PRMT8: variants seen among roughly 807,000 people sequenced by gnomAD.
The protein encoded by PRMT8 is protein arginine methyltransferase 8, also known as protein arginine N-methyltransferase 8.
In PRMT8, 7 loss-of-function variants were observed where a neutral mutation model predicts 47.1. The ratio of observed to expected loss-of-function variants is 0.15; its 90% CI spans 0.08 to 0.28. PRMT8 has a LOEUF of 0.28. Ranked by LOEUF, PRMT8 falls within the 10% of genes least tolerant of loss-of-function variation. PRMT8 has a pLI of 1.00. For synonymous variants in PRMT8, 188 were observed against 186.5 expected (o/e 1.01, Z -0.07); for missense variants, 237 against 505.4 (o/e 0.47, Z 5.09).
intron 1 of PRMT8, among the ~76,000 whole-genome samples, chr12:3,447,858 T>C (rs1047755634): frequency 6.6e-6 from 1 of 152,220 alleles, no homozygotes; most frequent in African/African-American, 2.4e-5. Context: ...AGGAGAAAAC[T>C]ACATGTACTT....
At chr12:3,495,743 G>A (rs112399924) in intron 1 of PRMT8, among the ~76,000 whole-genome samples, 4,945 of 152,210 alleles carry the variant, frequency 0.032, 103 homozygotes, top group Non-Finnish European at 0.052. Context: ...GTATGTGATT[G>A]TGAACAAACT....
chr12:3,483,679 C>T (rs542651495), intron 1 of PRMT8, among the ~76,000 whole-genome samples: 110 of 152,274 alleles, frequency 7.2e-4, no homozygotes, highest in African/African-American at 2.6e-3. Context: ...GTCTGAGCAG[C>T]CCGTTAATTT....
chr12:3,545,186 C>T (rs1013248930), intron 2 of PRMT8, among the ~76,000 whole-genome samples: 16 of 152,222 alleles, frequency 1.1e-4, no homozygotes, highest in Non-Finnish European at 1.5e-4. Flanking sequence ...AACTGAGGCA[C>T]AGACAGCTGA....
upstream of PRMT8, among the ~76,000 whole-genome samples, chr12:3,490,675 A>AAGAGAGAC (rs1416341779): frequency 8.3e-6 from 1 of 121,158 alleles, no homozygotes; most frequent in East Asian, 2.5e-4. Context: ...TTTGGGTACA[A>AAGAGAGAC]AGAGAGAGAG....
intron 1 of PRMT8, among the ~76,000 whole-genome samples, chr12:3,531,128 C>T (rs77772995): frequency 0.026 from 3,921 of 152,210 alleles, 59 homozygotes; most frequent in East Asian, 0.077. Flanking sequence ...GATGATTTGA[C>T]CCAAATCTGG....
chr12:3,592,547 T>G (rs1394746453), intron 9 of PRMT8, among the ~76,000 whole-genome samples, 195 bp downstream of exon 9: 1 of 151,850 alleles, frequency 6.6e-6, no homozygotes, highest in Non-Finnish European at 1.5e-5. Flanking sequence ...ACTCCGCAAA[T>G]AGAGGTTTTC....
In PRMT8 at chr12:3,436,763, C is replaced by T. The variant is rs1007156590; in HGVS notation, c.48+55321C>T. Among the ~76,000 whole-genome samples the T allele has an allele frequency of 9.9e-5, 15 of 152,170 alleles. No homozygotes were observed. The highest frequency in any genetic ancestry group is 3.9e-4 in the East Asian group (2 of 5,186). Reference sequence around the variant, plus strand: ...CAGCGGATCGATTGCAGCATCTCCCCGACAGCATGGAGGCCTGGGTGATGG... The same window carrying T: ...CAGCGGATCGATTGCAGCATCTCCCTGACAGCATGGAGGCCTGGGTGATGG... On this transcript the variant is annotated intron_variant, in intron 1 of 9. Transcript: ENST00000452611. The surrounding 1 kb of genome is among the most constrained non-coding windows in gnomAD (Gnocchi z 4.2).
intron 2 of PRMT8, among the ~76,000 whole-genome samples, chr12:3,546,828 A>C (rs1274201210): frequency 2.0e-5 from 3 of 152,216 alleles, no homozygotes; most frequent in African/African-American, 7.2e-5. Context: ...AGCCCAGTAT[A>C]ACTTTGATTA....
At position 3,386,704 on chromosome 12, in the gene PRMT8, C is replaced by CT. The variant is rs1041304124; in HGVS notation, c.48+5272dup. 8.0e-5 allele frequency among the ~76,000 whole-genome samples: 12 copies of CT among 149,664 alleles called. No homozygotes were observed. The South Asian group carries it at 8.5e-4, about 11-fold the overall frequency. Reference sequence around the variant, plus strand: ...AGGTGTTCATATGCTTGTCTACCTTCTTTTTTTTTTCTTTCTTTCTTTTTT... The same window carrying CT: ...AGGTGTTCATATGCTTGTCTACCTTCTTTTTTTTTTTCTTTCTTTCTTTTTT... On this transcript the variant is annotated intron_variant, in intron 1 of 9. Coordinates refer to the PRMT8 transcript ENST00000452611.
intron 1 of PRMT8, among the ~76,000 whole-genome samples, chr12:3,385,477 T>C (rs980578430): frequency 6.6e-6 from 1 of 152,212 alleles, no homozygotes; most frequent in Non-Finnish European, 1.5e-5. Context: ...GATGAATGCA[T>C]TTACTCCAGT....
intron 4 of PRMT8, among the ~76,000 whole-genome samples, chr12:3,556,151 CT>C (rs1445389433): frequency 6.6e-6 from 1 of 152,086 alleles, no homozygotes; most frequent in Admixed American, 6.5e-5. Context: ...CTGAGTCAGA[CT>C]TGGATACGTG....
chr12:3,483,155 GT>G (rs1865290358), intron 1 of PRMT8, among the ~76,000 whole-genome samples: 1 of 152,200 alleles, frequency 6.6e-6, no homozygotes, highest in Non-Finnish European at 1.5e-5. Flanking sequence ...ATTGGTGGGT[GT>G]GCTCCACGGG....
intron 1 of PRMT8, among the ~76,000 whole-genome samples, chr12:3,468,636 G>A (rs528297719): frequency 1.3e-5 from 2 of 152,340 alleles, no homozygotes; most frequent in South Asian, 2.1e-4. Context: ...GAATAGTTAT[G>A]AAAGTTGATT....
Position 3,557,933 on chromosome 12 carries a change from C to T in PRMT8, c.481+4219C>T, listed in dbSNP as rs1866555471. On this transcript the variant is annotated intron_variant, in intron 4 of 9. Coordinates refer to ENST00000382622, the MANE Select transcript of PRMT8 (RefSeq NM_019854.5). The surrounding 1 kb of genome is among the most constrained non-coding windows in gnomAD (Gnocchi z 4.7). ...CCTAGACCATTCCCCTCCCTCTGCA[C>T]AGGTTTCACCTGTGCCGTAATTCCT... 6.6e-6 allele frequency among the ~76,000 whole-genome samples: 1 copy of T among 152,136 alleles called. No individual in the cohort carries two copies. Among genetic ancestry groups the T allele is most frequent in the African/African-American group, 2.4e-5 (1 of 41,422 alleles).
chr12:3,519,274 G>C (rs1865843823), intron 1 of PRMT8, among the ~76,000 whole-genome samples: 1 of 152,168 alleles, frequency 6.6e-6, no homozygotes, highest in Non-Finnish European at 1.5e-5. Flanking sequence ...ATAGAGACTG[G>C]AAATAACAGA....
intron 4 of PRMT8, among the ~76,000 whole-genome samples, chr12:3,563,928 G>GC (rs67295103): frequency 0.27 from 40,664 of 151,238 alleles, 5,700 homozygotes; most frequent in East Asian, 0.44. Flanking sequence ...TTAACCCAAT[G>GC]CCCCCCACCT....
At position 3,535,011 on chromosome 12, in the gene PRMT8, G is replaced by C. The variant is rs1489788517; in HGVS notation, c.76-5595G>C. ...ATAAAGTGCTTGGCGCAGCGCCTGG[G>C]GCGCAGTGGGCCCTTAGTCAATGTT... On this transcript the variant is annotated intron_variant, in intron 1 of 9. Transcript: ENST00000382622. This position sits in a 1 kb window ranked among gnomAD's most constrained non-coding sequence, Gnocchi z 4.7. Among the ~76,000 whole-genome samples, 1 of 152,240 alleles carries C rather than the reference G, an allele frequency of 6.6e-6. No homozygotes were observed. The highest frequency in any genetic ancestry group is 1.5e-5 in the Non-Finnish European group (1 of 68,040).
intron 1 of PRMT8, among the ~76,000 whole-genome samples, chr12:3,440,851 A>C (rs1230826467): frequency 6.6e-6 from 1 of 152,224 alleles, no homozygotes; most frequent in African/African-American, 2.4e-5. Context: ...TCTTTCCATC[A>C]GTGTCATCAT....
chr12:3,535,041 C>G lies in PRMT8; in HGVS notation c.76-5565C>G, dbSNP rs935463849. 2.0e-5 allele frequency among the ~76,000 whole-genome samples: 3 copies of G among 152,232 alleles called. No homozygotes were observed. The highest frequency in any genetic ancestry group is 4.4e-5 in the Non-Finnish European group (3 of 68,042). The stretch of plus-strand genomic sequence containing the variant: ...AGTGGGCCCTTAGTCAATGTTAGGT[C>G]TCATCACCATCATCATCCTCTGCCA... On this transcript the variant is annotated intron_variant, in intron 1 of 9. Coordinates refer to ENST00000382622, the MANE Select transcript of PRMT8 (RefSeq NM_019854.5). The surrounding 1 kb of genome is among the most constrained non-coding windows in gnomAD (Gnocchi z 4.7).
Sources: allele counts gnomAD v4.1 joint callset (sites outside exome capture counted in the v4.1 genomes callset), GRCh38; gene constraint gnomAD v4.1.1; non-coding constraint Gnocchi (gnomAD v3.1); transcripts MANE v1.5; gene names NCBI Gene and HGNC (gene_info 2026-07-23, HGNC 2026-07-21).